Variants in RIPOR2 observed in about 807,000 individuals in gnomAD.
The protein encoded by RIPOR2 is RHO family interacting cell polarization regulator 2.
A neutral mutation model predicts 114.5 loss-of-function variants in RIPOR2; 39 were observed. The observed-to-expected ratio is 0.34, with a 90% CI of 0.26 to 0.44. The LOEUF (loss-of-function observed/expected upper bound fraction) is 0.44, where lower values mean the gene tolerates loss of function less well. Among genes scored for constraint, RIPOR2 ranks in the 20% least tolerant of loss-of-function variants. The probability of loss-of-function intolerance (pLI) is 1.00; values close to 1 mark genes in which losing one functional copy is unlikely to be tolerated. For synonymous variants in RIPOR2, 445 were observed against 484.4 expected (o/e 0.92, Z 1.07); for missense variants, 1,007 against 1,255.1 (o/e 0.80, Z 2.99).
At chr6:24,969,558 C>T (rs879937384) in intron 1 of RIPOR2, among the ~76,000 whole-genome samples, 1 of 152,140 alleles carries the variant, frequency 6.6e-6, no homozygotes, top group African/African-American at 2.4e-5. Context: ...GGGTGTGAGG[C>T]CCCAATGTGC....
chr6:24,966,272 C>G (rs998265967), intron 1 of RIPOR2, among the ~76,000 whole-genome samples: 2 of 152,172 alleles, frequency 1.3e-5, no homozygotes, highest in African/African-American at 4.8e-5. Context: ...ATCAAGCTCT[C>G]TGCAGAAGCA....
intron 1 of RIPOR2, among the ~76,000 whole-genome samples, chr6:24,902,381 A>C (rs1487826392): frequency 6.6e-6 from 1 of 151,758 alleles, no homozygotes; most frequent in Admixed American, 6.6e-5. Flanking sequence ...TGCCCGGCTA[A>C]TTTGTTTGTA....
intron 1 of RIPOR2, among the ~76,000 whole-genome samples, chr6:24,941,784 C>T (rs1772146485): frequency 1.3e-5 from 2 of 152,162 alleles, no homozygotes; most frequent in African/African-American, 4.8e-5. Context: ...CTACCATTGA[C>T]TTTAAAAGCA....
intron 21 of RIPOR2, 33 bp from the exon 22 acceptor site, chr6:24,806,506 T>G: frequency 7.1e-7 from 1 of 1,418,360 alleles, no homozygotes; most frequent in Non-Finnish European, 9.6e-7. Context: ...GAATACCAAT[T>G]CAAACAACGT....
intron 1 of RIPOR2, among the ~76,000 whole-genome samples, chr6:25,040,288 G>C (rs776146363): frequency 1.1e-4 from 16 of 151,672 alleles, no homozygotes; most frequent in Non-Finnish European, 1.9e-4. Context: ...GCTAATTTTT[G>C]TATTTTTAGT....
chr6:25,022,590 C>T (rs1256531128), intron 1 of RIPOR2, among the ~76,000 whole-genome samples: 2 of 93,740 alleles, frequency 2.1e-5, no homozygotes, highest in African/African-American at 7.9e-5. Flanking sequence ...TGTTCTGTCA[C>T]CCAGGCTGGA....
intron 1 of RIPOR2, among the ~76,000 whole-genome samples, chr6:25,016,095 G>A (rs1197416207): frequency 1.3e-5 from 2 of 151,330 alleles, no homozygotes; most frequent in African/African-American, 2.4e-5. Context: ...TAGTAGACAC[G>A]GGGGTTTCAC....
At chr6:25,041,893 T>A in exon 1 of RIPOR2, 1 of 702,942 alleles carries the variant, frequency 1.4e-6, no homozygotes, top group Non-Finnish European at 2.6e-6. Flanking sequence ...CATGGCCTGT[T>A]TCTGATCCAG....
chr6:24,946,700 GA>G (rs1393937627), intron 1 of RIPOR2, among the ~76,000 whole-genome samples: 1 of 152,208 alleles, frequency 6.6e-6, no homozygotes, highest in African/African-American at 2.4e-5. Context: ...GGAGCCAAAA[GA>G]AATAGGGGCC....
chr6:25,040,138 A>C (rs977219280), intron 1 of RIPOR2, among the ~76,000 whole-genome samples: 14 of 143,432 alleles, frequency 9.8e-5, no homozygotes, highest in African/African-American at 3.4e-4. Context: ...TTTTTTTTAG[A>C]TGGAGTTTCG....
intron 1 of RIPOR2, among the ~76,000 whole-genome samples, chr6:24,921,828 C>CT (rs200445364): frequency 0.025 from 3,764 of 148,916 alleles, 68 homozygotes; most frequent in African/African-American, 0.05. Flanking sequence ...TTCTTTCTTT[C>CT]TTTCTTTTTT....
intron 1 of RIPOR2, among the ~76,000 whole-genome samples, chr6:25,010,018 A>G (rs1044388500): frequency 6.6e-6 from 1 of 152,194 alleles, no homozygotes; most frequent in Non-Finnish European, 1.5e-5. Context: ...AGGATCAAGA[A>G]CAGCTTCAAG....
chr6:25,006,532 T>G (rs1397669941), intron 1 of RIPOR2, among the ~76,000 whole-genome samples: 1 of 152,236 alleles, frequency 6.6e-6, no homozygotes, highest in Non-Finnish European at 1.5e-5. Flanking sequence ...TGTTCATTAT[T>G]AAACCTTCAT....
chr6:25,015,720 T>A (rs1775944073), intron 1 of RIPOR2: 1 of 151,810 alleles, frequency 6.6e-6, no homozygotes, highest in South Asian at 2.1e-4. Flanking sequence ...CAAAGTACAT[T>A]TCTTTACCTT....
At chr6:24,844,134 A>G (rs543277691) in intron 12 of RIPOR2, among the ~76,000 whole-genome samples, 23 of 152,322 alleles carry the variant, frequency 1.5e-4, no homozygotes, top group African/African-American at 5.5e-4. Flanking sequence ...ATACATTTGC[A>G]TAGCTTCTCT....
intron 1 of RIPOR2, among the ~76,000 whole-genome samples, chr6:24,919,683 A>G (rs2817736): frequency 0.065 from 9,860 of 152,198 alleles, 878 homozygotes; most frequent in African/African-American, 0.2. Flanking sequence ...CTAAGTCACA[A>G]TGAGGATAAG....
intron 7 of RIPOR2, among the ~76,000 whole-genome samples, chr6:24,862,903 A>C (rs2113838655): frequency 6.6e-6 from 1 of 152,030 alleles, no homozygotes; most frequent in South Asian, 2.1e-4. Flanking sequence ...TTAAACCATC[A>C]TCATAATAAC....
intron 1 of RIPOR2, among the ~76,000 whole-genome samples, chr6:24,890,106 G>T (rs932317604): frequency 6.6e-6 from 1 of 151,986 alleles, no homozygotes; most frequent in African/African-American, 2.4e-5. Flanking sequence ...TGTTAGACAG[G>T]CTGGTCTCGA....
At chr6:24,825,666 A>G (rs1760107848) in intron 18 of RIPOR2, among the ~76,000 whole-genome samples, 1 of 152,246 alleles carries the variant, frequency 6.6e-6, no homozygotes, top group African/African-American at 2.4e-5. Context: ...GTGGGTTTCT[A>G]TCTCATAATG....
Sources: allele counts gnomAD v4.1 joint callset (sites outside exome capture counted in the v4.1 genomes callset), GRCh38; gene constraint gnomAD v4.1.1; transcripts MANE v1.5; gene names NCBI Gene and HGNC (gene_info 2026-07-23, HGNC 2026-07-21).